SUCLG2: variants seen among roughly 807,000 people sequenced by gnomAD.
The protein encoded by SUCLG2 is succinate-CoA ligase GDP-forming subunit beta.
A neutral mutation model predicts 47.9 loss-of-function variants in SUCLG2; 42 were observed. That is an observed-to-expected ratio of 0.88 (90% CI 0.69 to 1.14). The LOEUF (loss-of-function observed/expected upper bound fraction) is 1.14. SUCLG2 is among the 50% of genes most tolerant of loss of function. The pLI is 0.00. For missense variants in SUCLG2, 571 were observed against 525.9 expected, an observed-to-expected ratio of 1.09 and a Z score of -0.84; for synonymous variants, 195 against 197.3, an observed-to-expected ratio of 0.99 and a Z score of 0.10.
At chr3:67,512,151 T>C (rs569048237) in intron 6 of SUCLG2, among the ~76,000 whole-genome samples, 1 of 151,368 alleles carries the variant, frequency 6.6e-6, no homozygotes, top group Admixed American at 6.6e-5. Context: ...TTGTTACTTT[T>C]GCCACATGGA....
chr3:67,444,154 A>AG (rs1382226810), intron 9 of SUCLG2, among the ~76,000 whole-genome samples: 2 of 28,582 alleles, frequency 7.0e-5, no homozygotes, highest in Non-Finnish European at 7.1e-5. Flanking sequence ...TCCGGGAGGG[A>AG]GGTGGGGGAG....
intron 9 of SUCLG2, among the ~76,000 whole-genome samples, chr3:67,460,924 T>C (rs1248561581): frequency 3.3e-5 from 5 of 152,090 alleles, no homozygotes; most frequent in Non-Finnish European, 7.4e-5. Flanking sequence ...TCTGATAAGA[T>C]ATAAAGAAGG....
intron 9 of SUCLG2, among the ~76,000 whole-genome samples, chr3:67,440,518 A>G (rs1703734066): frequency 6.6e-6 from 1 of 152,236 alleles, no homozygotes; most frequent in African/African-American, 2.4e-5. Flanking sequence ...TCTACAAAGA[A>G]CTTAAATTTA....
intron 7 of SUCLG2, among the ~76,000 whole-genome samples, chr3:67,506,238 T>A (rs976334368): frequency 4.6e-5 from 7 of 152,194 alleles, no homozygotes; most frequent in African/African-American, 1.7e-4. Flanking sequence ...GGGACTGTGA[T>A]AATGATGAAG....
rs1382475823 is a variant in SUCLG2, at chr3:67,520,536, C to T, written c.516G>A (p.Gln172=). The T allele has an allele frequency of 1.2e-6, 2 of 1,614,204 alleles. No homozygotes were observed. Among genetic ancestry groups the T allele is most frequent in the Non-Finnish European group, 1.7e-6 (2 of 1,180,008 alleles). ...CCACCTCTTCAATGTCGACGCCCCC[C>T]TGGGGGCTGCCCACCAGCACGGGGC... The part of the protein sequence containing the change: ...CNGPVLVGSP[Q]GGVDIEEVAA... Residue 172 remains glutamine, a synonymous_variant, in exon 5 of 11, where the codon CAG becomes CAA. Transcript: ENST00000307227.
chr3:67,591,552 G>A (rs1268869312), intron 2 of SUCLG2, among the ~76,000 whole-genome samples: 1 of 152,156 alleles, frequency 6.6e-6, no homozygotes, highest in African/African-American at 2.4e-5. Context: ...CACAAGATCT[G>A]ATGGGTTTAT....
At chr3:67,517,806 C>T (rs993574341) in intron 6 of SUCLG2, among the ~76,000 whole-genome samples, 1 of 152,060 alleles carries the variant, frequency 6.6e-6, no homozygotes, top group African/African-American at 2.4e-5. Context: ...TAAGAACAGA[C>T]CTTTATGGAG....
chr3:67,381,877 A>G (rs1391500766), intron 10 of SUCLG2, among the ~76,000 whole-genome samples: 6 of 152,200 alleles, frequency 3.9e-5, no homozygotes, highest in Non-Finnish European at 8.8e-5. Context: ...GGGTGGAGTA[A>G]GAGAGCTGTA....
rs954580432 is a variant in SUCLG2, at chr3:67,593,677, C to T, written c.226+15778G>A. On this transcript the variant is annotated intron_variant, in intron 2 of 10. Coordinates refer to ENST00000307227, the MANE Select transcript of SUCLG2 (RefSeq NM_003848.4). ...ACCACAGGACAGTCCACAGGGTGAC[C>T]GACTCATCCTGGTTTGCCTTAGGCT... Among the ~76,000 whole-genome samples the T allele has an allele frequency of 5.9e-5, 9 of 152,308 alleles. No individual in the cohort carries two copies. The South Asian group carries it at 1.0e-3, about 18-fold the overall frequency.
intron 9 of SUCLG2, among the ~76,000 whole-genome samples, chr3:67,449,624 T>C (rs1013632776): frequency 1.3e-5 from 2 of 152,102 alleles, no homozygotes; most frequent in African/African-American, 4.8e-5. Flanking sequence ...TTTTATTTTA[T>C]TTTATTTTTG....
intron 7 of SUCLG2, among the ~76,000 whole-genome samples, chr3:67,506,754 T>A (rs1294707291): frequency 6.6e-6 from 1 of 152,248 alleles, no homozygotes; most frequent in Non-Finnish European, 1.5e-5. Flanking sequence ...ATATGACCTT[T>A]AAGAACTTTT....
intron 1 of SUCLG2, among the ~76,000 whole-genome samples, chr3:67,614,137 T>C (rs1700582201): frequency 6.6e-6 from 1 of 152,156 alleles, no homozygotes; most frequent in Non-Finnish European, 1.5e-5. Context: ...AGATAATCCA[T>C]GAATTCTAGA....
At chr3:67,497,872 T>C (rs1705388852) in intron 8 of SUCLG2, among the ~76,000 whole-genome samples, 1 of 152,168 alleles carries the variant, frequency 6.6e-6, no homozygotes. Context: ...GTTAGGATGC[T>C]AAACATCTTA....
At chr3:67,448,398 G>A (rs1454379947) in intron 9 of SUCLG2, among the ~76,000 whole-genome samples, 1 of 152,158 alleles carries the variant, frequency 6.6e-6, no homozygotes, top group Non-Finnish European at 1.5e-5. Context: ...GAACAGAGAA[G>A]AGTCACACTT....
intron 9 of SUCLG2, among the ~76,000 whole-genome samples, chr3:67,479,393 T>C (rs1704851561): frequency 6.6e-6 from 1 of 152,218 alleles, no homozygotes; most frequent in South Asian, 2.1e-4. Flanking sequence ...GCAAAGACCT[T>C]ATGTCACATA....
At chr3:67,627,032 A>G (rs1264026444) in intron 1 of SUCLG2, among the ~76,000 whole-genome samples, 2 of 152,076 alleles carry the variant, frequency 1.3e-5, no homozygotes, top group Non-Finnish European at 2.9e-5. Flanking sequence ...AAAGGACTAG[A>G]GATGGGTTGA....
chr3:67,386,651 G>A (rs1216021799), intron 10 of SUCLG2, among the ~76,000 whole-genome samples: 1 of 152,146 alleles, frequency 6.6e-6, no homozygotes, highest in Non-Finnish European at 1.5e-5. Context: ...CAGATCTTGT[G>A]AGGCTTATTC....
At chr3:67,386,336 T>A (rs941004812) in intron 10 of SUCLG2, among the ~76,000 whole-genome samples, 1 of 151,860 alleles carries the variant, frequency 6.6e-6, no homozygotes, top group African/African-American at 2.4e-5. Flanking sequence ...GACCTCATTA[T>A]CCACCTGAAT....
At chr3:67,535,949 G>C (rs530667430) in intron 2 of SUCLG2, among the ~76,000 whole-genome samples, 1 of 152,342 alleles carries the variant, frequency 6.6e-6, no homozygotes, top group South Asian at 2.1e-4. Flanking sequence ...ACACCTGATA[G>C]CTATAACATC....
Sources: gnomAD v4.1 joint callset for allele counts (sites outside exome capture counted in the v4.1 genomes callset) on GRCh38, gnomAD v4.1.1 for gene constraint, MANE v1.5 for transcripts, NCBI Gene and HGNC (gene_info 2026-07-23, HGNC 2026-07-21) for gene names.